The following VRK2 variants were observed in gnomAD, a reference collection of about 807,000 sequenced individuals.
The protein encoded by VRK2 is serine/threonine-protein kinase VRK2.
In VRK2, 60 loss-of-function variants were observed where a neutral mutation model predicts 57.6. The ratio of observed to expected loss-of-function variants is 1.04; its 90% CI spans 0.85 to 1.29. The LOEUF is 1.29. VRK2 is among the 50% of genes most tolerant of loss of function. The pLI is 0.00. For synonymous variants in VRK2, 231 were observed against 199.2 expected (o/e 1.16, Z -1.35); for missense variants, 705 against 588.1 (o/e 1.20, Z -2.06).
chr2:57,910,440 A>G (rs1405735555), intron 1 of VRK2, among the ~76,000 whole-genome samples: 1 of 152,204 alleles, frequency 6.6e-6, no homozygotes, highest in Non-Finnish European at 1.5e-5. Flanking sequence ...CAGTCTCTTC[A>G]TGACCCCAAG....
chr2:58,052,876 A>G (rs1675966835), intron 2 of VRK2, among the ~76,000 whole-genome samples: 1 of 152,252 alleles, frequency 6.6e-6, no homozygotes, highest in Non-Finnish European at 1.5e-5. Flanking sequence ...TTCAGAAATT[A>G]TTCAAAATTG....
intron 7 of VRK2, among the ~76,000 whole-genome samples, chr2:58,116,689 C>G (rs984171608): frequency 1.3e-5 from 2 of 152,190 alleles, no homozygotes; most frequent in Non-Finnish European, 2.9e-5. Flanking sequence ...CAGTCTTCAG[C>G]CGCTAAGCCA....
chr2:58,147,227 G>A (rs766843321), intron 12 of VRK2: 5 of 516,394 alleles, frequency 9.7e-6, no homozygotes, highest in Admixed American at 7.8e-5. Flanking sequence ...CTTGACAGCC[G>A]AGGCAAAAAT....
At chr2:58,099,985 A>G (rs1176910813) in intron 7 of VRK2, among the ~76,000 whole-genome samples, 1 of 152,062 alleles carries the variant, frequency 6.6e-6, no homozygotes, top group Non-Finnish European at 1.5e-5. Flanking sequence ...GTGTTTCCAA[A>G]GTGTCTTGCC....
intron 1 of VRK2, among the ~76,000 whole-genome samples, chr2:57,948,963 G>A (rs1390325131): frequency 6.6e-6 from 1 of 151,868 alleles, no homozygotes; most frequent in East Asian, 1.9e-4. Flanking sequence ...TAGAAAAGGG[G>A]CTGTGAATTT....
chr2:58,043,674 T>C (rs954448171), upstream of VRK2, among the ~76,000 whole-genome samples: 3 of 152,236 alleles, frequency 2.0e-5, no homozygotes, highest in Non-Finnish European at 4.4e-5. Context: ...GTTTTGGCTA[T>C]CACATATGAA....
intron 10 of VRK2, among the ~76,000 whole-genome samples, chr2:58,137,254 A>ACATG (rs1211918254): frequency 7.2e-5 from 10 of 138,344 alleles, no homozygotes; most frequent in African/African-American, 2.3e-4. Flanking sequence ...TATATATGAT[A>ACATG]TATATGATAT....
At chr2:57,995,385 T>C (rs895106564) in intron 1 of VRK2, among the ~76,000 whole-genome samples, 3 of 152,204 alleles carry the variant, frequency 2.0e-5, no homozygotes, top group African/African-American at 2.4e-5. Flanking sequence ...CAGTAGTGGA[T>C]ACAAATTTTC....
intron 1 of VRK2, among the ~76,000 whole-genome samples, chr2:57,992,144 T>G (rs2104085837): frequency 6.6e-6 from 1 of 152,304 alleles, no homozygotes; most frequent in East Asian, 1.9e-4. Context: ...GGTATCAGTC[T>G]AGTTTAGGGT....
chr2:58,115,820 C>G (rs1676378545), intron 7 of VRK2, among the ~76,000 whole-genome samples: 1 of 152,114 alleles, frequency 6.6e-6, no homozygotes, highest in Non-Finnish European at 1.5e-5. Flanking sequence ...TTTGCTGAGC[C>G]TAATGTGTGT....
chr2:57,988,876 T>C (rs144900970), intron 1 of VRK2, among the ~76,000 whole-genome samples: 1 of 152,322 alleles, frequency 6.6e-6, no homozygotes, highest in Non-Finnish European at 1.5e-5. Flanking sequence ...AGCATATGTA[T>C]TATATTTCTC....
At chr2:58,049,994 G>C (rs188030268) in intron 2 of VRK2, among the ~76,000 whole-genome samples, 17 of 152,042 alleles carry the variant, frequency 1.1e-4, no homozygotes, top group African/African-American at 3.6e-4. Context: ...TATGAGTCAA[G>C]TAAAGGACCC....
intron 12 of VRK2, among the ~76,000 whole-genome samples, chr2:58,156,577 G>A (rs969225664): frequency 1.4e-5 from 2 of 139,118 alleles, no homozygotes; most frequent in African/African-American, 6.9e-5. Context: ...TTGGGTGGTG[G>A]TGTTTTTTTT....
At chr2:57,933,880 C>A (rs1431000631) in intron 1 of VRK2, among the ~76,000 whole-genome samples, 2 of 151,900 alleles carry the variant, frequency 1.3e-5, no homozygotes, top group African/African-American at 4.8e-5. Flanking sequence ...TTCTCTTTGT[C>A]TTTTGTGTAT....
chr2:57,929,306 T>C (rs1019996996), intron 1 of VRK2, among the ~76,000 whole-genome samples: 61 of 152,212 alleles, frequency 4.0e-4, no homozygotes, highest in Middle Eastern at 3.4e-3. Flanking sequence ...CCCCTTTCCA[T>C]AAGCAAAGCA....
intron 2 of VRK2, among the ~76,000 whole-genome samples, chr2:58,057,071 T>G (rs934352437): frequency 5.3e-5 from 8 of 152,150 alleles, no homozygotes; most frequent in African/African-American, 1.9e-4. Flanking sequence ...TTTTAACCTG[T>G]TTCCCCCAAC....
intron 1 of VRK2, among the ~76,000 whole-genome samples, chr2:57,944,417 T>C (rs1461345186): frequency 6.6e-6 from 1 of 152,136 alleles, no homozygotes; most frequent in Non-Finnish European, 1.5e-5. Context: ...TTCTTAGAAG[T>C]ATTAGGATAG....
chr2:58,064,371 C>T (rs564155568), intron 2 of VRK2, among the ~76,000 whole-genome samples: 1 of 152,078 alleles, frequency 6.6e-6, no homozygotes, highest in Admixed American at 6.6e-5. Context: ...GTCTTCAGCA[C>T]CCACTACCCT....
At chr2:57,961,931 G>C (rs1671774061) in intron 1 of VRK2, among the ~76,000 whole-genome samples, 1 of 152,188 alleles carries the variant, frequency 6.6e-6, no homozygotes, top group South Asian at 2.1e-4. Flanking sequence ...ACAAAAATTA[G>C]CTGGGCACGG....
Sources: gnomAD v4.1 joint callset for allele counts (sites outside exome capture counted in the v4.1 genomes callset) on GRCh38, gnomAD v4.1.1 for gene constraint, MANE v1.5 for transcripts, NCBI Gene and HGNC (gene_info 2026-07-23, HGNC 2026-07-21) for gene names.